The following CTDSPL2 variants were observed in gnomAD, a reference collection of about 807,000 sequenced individuals.
The protein encoded by CTDSPL2 is CTD small phosphatase-like protein 2.
In CTDSPL2, 5 loss-of-function variants were observed where a neutral mutation model predicts 60.0. The observed-to-expected ratio is 0.08, with a 90% CI of 0.04 to 0.18. The LOEUF (loss-of-function observed/expected upper bound fraction) is 0.18, where lower values mean the gene tolerates loss of function less well. Ranked by LOEUF, CTDSPL2 falls within the 10% of genes least tolerant of loss-of-function variation. CTDSPL2 has a pLI of 1.00. For missense variants in CTDSPL2, 370 were observed against 548.8 expected (o/e 0.67, Z 3.26); for synonymous variants, 186 against 189.3 (o/e 0.98, Z 0.14).
rs1358041060 is a variant in CTDSPL2 at position 44,476,409 on chromosome 15, TATG to T, written c.187-7814_187-7812del. Among the ~76,000 whole-genome samples, 4 of 152,182 alleles carry T rather than the reference TATG, an allele frequency of 2.6e-5. No individual in the cohort carries two copies. The East Asian group carries it at 7.7e-4, about 29-fold the overall frequency. ...TATTACTAAATTCTGAAATAACTTT[TATG>T]TAAAACTTAAAATTTAGAAGTAAAT... On this transcript the variant is annotated intron_variant, in intron 2 of 12. Coordinates refer to ENST00000260327, the MANE Select transcript of CTDSPL2 (RefSeq NM_016396.3).
At chr15:44,521,170 A>G in intron 11 of CTDSPL2, 141 bp from the exon 12 acceptor site, 1 of 466,086 alleles carries the variant, frequency 2.1e-6, no homozygotes, top group South Asian at 2.9e-5. Flanking sequence ...TGAGTTGTCA[A>G]AGAAAAGTCT....
intron 1 of CTDSPL2, among the ~76,000 whole-genome samples, chr15:44,442,716 C>T (rs1051085681): frequency 2.0e-5 from 3 of 152,044 alleles, no homozygotes; most frequent in South Asian, 2.1e-4. Flanking sequence ...TAGCTCACGC[C>T]TGTAATCACA....
At chr15:44,513,490 A>G (rs115182759) in intron 8 of CTDSPL2, among the ~76,000 whole-genome samples, 1,802 of 152,264 alleles carry the variant, frequency 0.012, 43 homozygotes, top group East Asian at 0.087. Flanking sequence ...TTTGTCTCCT[A>G]TAAGTGGTCA....
At chr15:44,521,223 T>C (rs912692155) in intron 11 of CTDSPL2, 88 bp from the exon 12 acceptor site, 13 of 643,118 alleles carry the variant, frequency 2.0e-5, no homozygotes, top group Non-Finnish European at 2.1e-5. Context: ...CAGTGTTTAC[T>C]TAATAAATCT....
chr15:44,470,490 C>G (rs1358248761), intron 2 of CTDSPL2: 1 of 151,938 alleles, frequency 6.6e-6, no homozygotes, highest in African/African-American at 2.4e-5. Context: ...CTCTGTCACC[C>G]TGGCTGGAGT....
intron 2 of CTDSPL2, among the ~76,000 whole-genome samples, chr15:44,464,957 C>T (rs148258980): frequency 2.9e-4 from 44 of 152,280 alleles, no homozygotes; most frequent in African/African-American, 3.8e-4. Flanking sequence ...CTGCCTGCCT[C>T]GGCCTCCCAA....
At position 44,459,069 on chromosome 15, in the gene CTDSPL2, C is replaced by T. The variant is rs774125416; in HGVS notation, c.55C>T (p.Arg19Cys). 57 of 1,610,744 alleles carry T rather than the reference C, an allele frequency of 3.5e-5. No individual in the cohort carries two copies. Among genetic ancestry groups the T allele is most frequent in the Middle Eastern group, 1.6e-4 (1 of 6,078 alleles). The change falls in exon 2 of 13, where the codon CGC becomes TGC. Residue 19 changes from arginine (R) to cysteine (C), a missense_variant. Physicochemically the swap from Arg to Cys is radical, Grantham distance 180 (BLOSUM62 -3). Around this residue, in one of 6 missense-constraint regions of CTDSPL2, gnomAD observed 287 missense variants for 296.1 expected, o/e 0.97. Coordinates refer to ENST00000260327, the MANE Select transcript of CTDSPL2 (RefSeq NM_016396.3). ...SQQSNQIQTQ[R>C]TARAKRKYSE... ...GCAGTCAAATCAAATCCAAACACAACGCACTGCCAGAGCAAAGAGGAAATA... is the reference window on the plus strand; with the variant it reads ...GCAGTCAAATCAAATCCAAACACAATGCACTGCCAGAGCAAAGAGGAAATA...
In CTDSPL2 at chr15:44,499,824, T is replaced by A. The variant is rs745886724; in HGVS notation, c.969+11T>A. 1.3e-6 allele frequency: 2 copies of A among 1,559,554 alleles called. No homozygotes were observed. The highest frequency in any genetic ancestry group is 2.7e-5 in the African/African-American group (2 of 73,514). On this transcript the variant is annotated intron_variant, in intron 8 of 12. Coordinates refer to ENST00000260327, the MANE Select transcript of CTDSPL2 (RefSeq NM_016396.3). ...GATGTCATTTATCAGGTAATTAAAA[T>A]TTTTTTGATGATTTTTGGCCTGATA...
At position 44,499,819 on chromosome 15, in the gene CTDSPL2, T is replaced by A. The variant is rs1165006555; in HGVS notation, c.969+6T>A. ...TCCAAGATGTCATTTATCAGGTAAT[T>A]AAAATTTTTTTGATGATTTTTGGCC... On this transcript the variant is annotated splice_donor_region_variant and intron_variant, in intron 8 of 12. Coordinates refer to ENST00000260327, the MANE Select transcript of CTDSPL2 (RefSeq NM_016396.3). The A allele has an allele frequency of 1.3e-6, 2 of 1,578,546 alleles. No homozygotes were observed. Among genetic ancestry groups the A allele is most frequent in the Non-Finnish European group, 1.7e-6 (2 of 1,152,950 alleles).
At position 44,527,815 on chromosome 15, in the gene CTDSPL2, A is replaced by G. The variant is rs2140880964; in HGVS notation, c.*3641A>G. The G allele has an allele frequency of 6.6e-6, 1 of 152,324 alleles. No individual in the cohort carries two copies. The highest frequency in any genetic ancestry group is 2.4e-5 in the African/African-American group (1 of 41,590). 9.4% of individuals were successfully genotyped at this position (152,324 alleles called of 1,614,324 possible). ...AAAAATGTATGGGCCAAAAGGCCTTAGGGTTGTCATTCATTGACTTTCTTA... is the reference window on the plus strand; with the variant it reads ...AAAAATGTATGGGCCAAAAGGCCTTGGGGTTGTCATTCATTGACTTTCTTA... On this transcript the variant is annotated 3_prime_UTR_variant, in exon 13 of 13. Transcript: ENST00000260327.
intron 2 of CTDSPL2, among the ~76,000 whole-genome samples, chr15:44,481,417 A>G (rs2081024536): frequency 6.6e-6 from 1 of 152,176 alleles, no homozygotes; most frequent in Non-Finnish European, 1.5e-5. Flanking sequence ...GGGGAGTAGT[A>G]TCAATAACAT....
chr15:44,442,282 C>G (rs1285319053), intron 1 of CTDSPL2, among the ~76,000 whole-genome samples: 2 of 151,990 alleles, frequency 1.3e-5, no homozygotes, highest in South Asian at 2.1e-4. Flanking sequence ...GAAACCCTTT[C>G]TCTACTAAAA....
intron 2 of CTDSPL2, among the ~76,000 whole-genome samples, chr15:44,482,775 T>C (rs537306345): frequency 6.6e-6 from 1 of 152,328 alleles, no homozygotes; most frequent in East Asian, 1.9e-4. Flanking sequence ...AGAAAATGTA[T>C]GTTAGTGCAT....
rs2080602019 is a variant in CTDSPL2 at position 44,462,802 on chromosome 15, G to A, written c.186+3602G>A. Among the ~76,000 whole-genome samples, 3 of 150,162 alleles carry A rather than the reference G, an allele frequency of 2.0e-5. No individual in the cohort carries two copies. In the Admixed American group the frequency reaches 2.0e-4, roughly 10 times the overall value. Reference sequence around the variant, plus strand: ...GCTCACTGCAACCTCTGCCTCTTGGGTTCAAGCGATCCTTTTCCTCAGCAT... The same window carrying A: ...GCTCACTGCAACCTCTGCCTCTTGGATTCAAGCGATCCTTTTCCTCAGCAT... On this transcript the variant is annotated intron_variant, in intron 2 of 12. Coordinates refer to ENST00000260327, the MANE Select transcript of CTDSPL2 (RefSeq NM_016396.3).
intron 11 of CTDSPL2, chr15:44,519,993 C>G (rs1022366272): frequency 1.3e-5 from 2 of 152,082 alleles, no homozygotes. Context: ...AGGCTGGTCT[C>G]GAACTCCCGA....
chr15:44,521,937 C>CAA (rs904398715), intron 12 of CTDSPL2, among the ~76,000 whole-genome samples: 7,079 of 60,700 alleles, frequency 0.12, 2,569 homozygotes, highest in East Asian at 0.26. Flanking sequence ...GACTCCGTCT[C>CAA]AAAAAAAAAA....
At chr15:44,464,667 T>A (rs899167299) in intron 2 of CTDSPL2, among the ~76,000 whole-genome samples, 7 of 152,174 alleles carry the variant, frequency 4.6e-5, no homozygotes, top group African/African-American at 1.7e-4. Flanking sequence ...TTACAGACAC[T>A]GGTCATACTT....
At position 44,527,188 on chromosome 15, in the gene CTDSPL2, G is replaced by A. The variant is rs1367441120; in HGVS notation, c.*3014G>A. 1.3e-5 allele frequency: 2 copies of A among 152,412 alleles called. No individual in the cohort carries two copies. The highest frequency in any genetic ancestry group is 4.8e-5 in the African/African-American group (2 of 41,410). 9.4% of individuals were successfully genotyped at this position (152,412 alleles called of 1,614,324 possible). ...TTGTTTGGGATTTGTTGAAAGCATT[G>A]TGTAACTTCTATAAACGGCTATTTT... On this transcript the variant is annotated 3_prime_UTR_variant, in exon 13 of 13. Transcript: ENST00000260327.
chr15:44,497,365 C>T (rs1339847260), intron 7 of CTDSPL2, among the ~76,000 whole-genome samples: 1 of 151,960 alleles, frequency 6.6e-6, no homozygotes, highest in Admixed American at 6.6e-5. Context: ...GTCTCAAAAG[C>T]ACAATTTCTT....
Sources: allele counts gnomAD v4.1 joint callset (sites outside exome capture counted in the v4.1 genomes callset), GRCh38; gene constraint gnomAD v4.1.1; regional missense constraint gnomAD v4.1.1; transcripts MANE v1.5; gene names NCBI Gene and HGNC (gene_info 2026-07-23, HGNC 2026-07-21).